DOCK9: variants seen among roughly 807,000 people sequenced by gnomAD.
DOCK9 encodes the protein dedicator of cytokinesis protein 9.
A neutral mutation model predicts 263.3 loss-of-function variants in DOCK9; 89 were observed. That is an observed-to-expected ratio of 0.34 (90% CI 0.28 to 0.40). DOCK9 has a LOEUF of 0.40. DOCK9 is among the 10% of genes least tolerant of loss of function. The pLI, the probability that DOCK9 is intolerant of heterozygous loss-of-function variation, is 1.00. For synonymous variants in DOCK9, 976 were observed against 973.1 expected (o/e 1.00, Z -0.06); for missense variants, 2,140 against 2,603.4 (o/e 0.82, Z 3.87).
intron 3 of DOCK9, among the ~76,000 whole-genome samples, chr13:98,928,019 A>C (rs55868195): frequency 0.098 from 13,597 of 138,146 alleles, 594 homozygotes; most frequent in East Asian, 0.18. Context: ...AAAAAAAAAA[A>C]CAAAAAAAAA....
At chr13:98,858,306 G>A (rs778457572) in intron 33 of DOCK9, 1 of 152,162 alleles carries the variant, frequency 6.6e-6, no homozygotes, top group Admixed American at 6.5e-5. Context: ...GCCTCAGGAC[G>A]CTTGCCTTTT....
At chr13:98,930,359 G>A in intron 2 of DOCK9, 102 bp from the exon 3 acceptor site, 1 of 953,322 alleles carries the variant, frequency 1.0e-6, no homozygotes, top group South Asian at 1.4e-5. Context: ...GGCAGCCACA[G>A]AGTCCCTCCA....
intron 44 of DOCK9, among the ~76,000 whole-genome samples, chr13:98,826,179 T>C (rs1253870415): frequency 6.6e-6 from 1 of 152,200 alleles, no homozygotes; most frequent in Admixed American, 6.5e-5. Context: ...TTTTCTCCCA[T>C]GTAACTCACG....
chr13:98,879,084 A>G (rs559141362), intron 27 of DOCK9, among the ~76,000 whole-genome samples: 1 of 152,210 alleles, frequency 6.6e-6, no homozygotes, highest in African/African-American at 2.4e-5. Context: ...TGCAGGTCTC[A>G]GAGGAGCCCT....
chr13:99,014,587 A>G (rs1332674626), intron 1 of DOCK9, among the ~76,000 whole-genome samples: 1 of 152,178 alleles, frequency 6.6e-6, no homozygotes, highest in East Asian at 1.9e-4. Context: ...TGGTAGCCTC[A>G]CCAGCCGGGA....
Position 99,027,011 on chromosome 13 carries a change from CTTGTTG to C in DOCK9, c.129+59206_129+59211del, listed in dbSNP as rs375011511. Among the ~76,000 whole-genome samples the C allele has an allele frequency of 5.0e-3, 761 of 151,996 alleles. 3 individuals are homozygous for C. Among genetic ancestry groups the C allele is most frequent in the Non-Finnish European group, 8.8e-3 (599 of 67,970 alleles). On this transcript the variant is annotated intron_variant, in intron 1 of 32. Coordinates refer to the DOCK9 transcript ENST00000427887. ...ACTGAGTCACATGGTCTCATTTAAT[CTTGTTG>C]TTGTTGTTGTTGTCGTTGTTGAGAC...
chr13:99,020,895 T>C (rs1401970318), intron 1 of DOCK9, among the ~76,000 whole-genome samples: 1 of 152,186 alleles, frequency 6.6e-6, no homozygotes. Flanking sequence ...TACAGCACAC[T>C]TCACCAAATC....
At chr13:98,800,642 T>C (rs1277347250) in intron 49 of DOCK9, among the ~76,000 whole-genome samples, 164 bp from the exon 50 acceptor site, 2 of 152,218 alleles carry the variant, frequency 1.3e-5, no homozygotes, top group African/African-American at 4.8e-5. Context: ...TTGATGGAGC[T>C]AGAATATTGT....
chr13:98,794,761 A>G lies in DOCK9; in HGVS notation c.6157-13T>C, dbSNP rs2089134438. The G allele has an allele frequency of 1.9e-6, 3 of 1,613,732 alleles. No individual in the cohort carries two copies. Among genetic ancestry groups the G allele is most frequent in the Non-Finnish European group, 2.5e-6 (3 of 1,179,720 alleles). On this transcript the variant is annotated splice_polypyrimidine_tract_variant and intron_variant, in intron 52 of 52. Coordinates refer to ENST00000682017, the MANE Select transcript of DOCK9 (RefSeq NM_001366683.2). ...CCAGGGGGCAGATCTTGAGGACAGAAACACAACGTTACTGAGGGCAACACA... is the reference window on the plus strand; with the variant it reads ...CCAGGGGGCAGATCTTGAGGACAGAGACACAACGTTACTGAGGGCAACACA...
At position 98,880,598 on chromosome 13, in the gene DOCK9, G is replaced by C; in HGVS notation, c.2820C>G (p.Thr940=). ...AATCGGCAGAAGGCTTGAGAATCGTGGTCATGGATTTGGTCAGTTCTTCAT... is the reference window on the plus strand; with the variant it reads ...AATCGGCAGAAGGCTTGAGAATCGTCGTCATGGATTTGGTCAGTTCTTCAT... ...TVHEELTKSM[T]TILKPSADFL... is the part of the protein sequence containing the mutation. Residue 940 remains threonine (T), a synonymous_variant, in exon 26 of 53, where the codon ACC becomes ACG. Transcript: ENST00000682017. 1.2e-6 allele frequency: 2 copies of C among 1,613,894 alleles called. No individual in the cohort carries two copies. The highest frequency in any genetic ancestry group is 1.7e-6 in the Non-Finnish European group (2 of 1,179,850).
intron 1 of DOCK9, among the ~76,000 whole-genome samples, chr13:99,012,237 G>A (rs116164203): frequency 2.5e-3 from 375 of 151,492 alleles, no homozygotes; most frequent in African/African-American, 8.8e-3. Flanking sequence ...TTCTTATGAC[G>A]TGCTTCAGTA....
intron 1 of DOCK9, among the ~76,000 whole-genome samples, chr13:99,038,465 C>T (rs532625241): frequency 1.1e-4 from 17 of 151,778 alleles, no homozygotes; most frequent in African/African-American, 4.1e-4. Context: ...CCACCACGCC[C>T]GGCTAACTTT....
rs542252348 is a variant in DOCK9, at chr13:99,005,410, G to A, written c.130-49859C>T. Among the ~76,000 whole-genome samples the A allele has an allele frequency of 3.4e-4, 52 of 152,168 alleles. No homozygotes were observed. The South Asian group carries it at 5.2e-3, about 15-fold the overall frequency. On this transcript the variant is annotated intron_variant, in intron 1 of 32. Coordinates refer to the DOCK9 transcript ENST00000427887. ...ATTTTTCCTGAATTGCAATTAAACT[G>A]ACAGCTGTATAAGAACCTTGCTTTT... is the stretch of plus-strand genomic sequence containing the variant.
At chr13:98,888,074 G>T (rs2138942412) in intron 18 of DOCK9, 84 bp downstream of exon 18, 1 of 862,734 alleles carries the variant, frequency 1.2e-6, no homozygotes, top group Non-Finnish European at 1.8e-6. Flanking sequence ...CTAAACTGTT[G>T]TAGTTGTACG....
At chr13:98,872,292 G>T (rs190504241) in intron 27 of DOCK9, among the ~76,000 whole-genome samples, 1 of 152,208 alleles carries the variant, frequency 6.6e-6, no homozygotes, top group South Asian at 2.1e-4. Flanking sequence ...ATGGGGCTGA[G>T]AAGAAATTTA....
intron 30 of DOCK9, among the ~76,000 whole-genome samples, chr13:98,865,049 T>C (rs2093982809): frequency 6.6e-6 from 1 of 152,162 alleles, no homozygotes. Flanking sequence ...TGAGCCAAAA[T>C]AAATGTCTTT....
At chr13:99,034,750 T>C (rs1391886076) in intron 1 of DOCK9, among the ~76,000 whole-genome samples, 1 of 152,134 alleles carries the variant, frequency 6.6e-6, no homozygotes, top group African/African-American at 2.4e-5. Flanking sequence ...GTAACAAAAA[T>C]GGTGAGCAGA....
chr13:98,873,618 A>G (rs2094247313), intron 27 of DOCK9, among the ~76,000 whole-genome samples: 1 of 152,210 alleles, frequency 6.6e-6, no homozygotes, highest in Non-Finnish European at 1.5e-5. Context: ...GGAAAGGTGC[A>G]TCTTCCCCTC....
At chr13:98,997,916 C>T (rs773040542) in intron 1 of DOCK9, among the ~76,000 whole-genome samples, 1 of 152,240 alleles carries the variant, frequency 6.6e-6, no homozygotes, top group Non-Finnish European at 1.5e-5. Flanking sequence ...TTGACCAACA[C>T]AGCAGATTCT....
Sources: gnomAD v4.1 joint callset for allele counts (sites outside exome capture counted in the v4.1 genomes callset) on GRCh38, gnomAD v4.1.1 for gene constraint, MANE v1.5 for transcripts, NCBI Gene and HGNC (gene_info 2026-07-23, HGNC 2026-07-21) for gene names.